Variants in SHPRH observed in about 807,000 individuals in gnomAD.
The protein encoded by SHPRH is E3 ubiquitin-protein ligase SHPRH.
SHPRH carries 106 observed loss-of-function variants against 202.5 expected under a neutral mutation model. The observed-to-expected ratio is 0.52, with a 90% CI of 0.45 to 0.62. The LOEUF (loss-of-function observed/expected upper bound fraction) is 0.62, where lower values mean the gene tolerates loss of function less well. SHPRH is among the 20% of genes least tolerant of loss of function. The probability of loss-of-function intolerance (pLI) is 0.00; values close to 1 mark genes in which losing one functional copy is unlikely to be tolerated. For synonymous variants in SHPRH, 729 were observed against 686.0 expected (o/e 1.06, Z -0.98); for missense variants, 1,710 against 2,020.0 (o/e 0.85, Z 2.94).
intron 6 of SHPRH, among the ~76,000 whole-genome samples, chr6:145,947,248 A>G (rs1787485059): frequency 6.6e-6 from 1 of 152,054 alleles, no homozygotes; most frequent in African/African-American, 2.4e-5. Context: ...GCCAACTAGA[A>G]GAAAGTTCAG....
chr6:145,865,240 T>C (rs956089167), intron 2 of SHPRH, among the ~76,000 whole-genome samples: 5 of 152,146 alleles, frequency 3.3e-5, no homozygotes, highest in African/African-American at 4.8e-5. Context: ...ATGGGGCCTT[T>C]GGGAGATATT....
chr6:145,947,369 T>C (rs1299089082), intron 6 of SHPRH, 124 bp downstream of exon 6: 2 of 1,109,460 alleles, frequency 1.8e-6, no homozygotes, highest in South Asian at 2.0e-5. Context: ...TAACCACTAA[T>C]ATAAATCATT....
At chr6:145,905,340 T>TG (rs1782865380) in intron 25 of SHPRH, 2 of 152,100 alleles carry the variant, frequency 1.3e-5, no homozygotes, top group African/African-American at 4.8e-5. Flanking sequence ...AGCTCCTAAG[T>TG]GCAGGCAGGA....
chr6:145,942,505 T>C (rs1786900600), intron 9 of SHPRH, among the ~76,000 whole-genome samples: 1 of 152,156 alleles, frequency 6.6e-6, no homozygotes, highest in Non-Finnish European at 1.5e-5. Flanking sequence ...TCTCCATGCC[T>C]ATGTAAAGTG....
At chr6:145,904,964 C>T (rs551799746) in intron 25 of SHPRH, 1 of 152,162 alleles carries the variant, frequency 6.6e-6, no homozygotes, top group East Asian at 1.9e-4. Context: ...AATCTCTATC[C>T]TGGGTGTCTA....
At chr6:145,862,483 A>G (rs1421607739), downstream of SHPRH, among the ~76,000 whole-genome samples, 1 of 152,184 alleles carries the variant, frequency 6.6e-6, no homozygotes, top group East Asian at 1.9e-4. Context: ...AGAAAAAACA[A>G]AACAACAAAA....
At chr6:145,864,013 T>G (rs1205403004), downstream of SHPRH, among the ~76,000 whole-genome samples, 1 of 152,266 alleles carries the variant, frequency 6.6e-6, no homozygotes, top group Admixed American at 6.5e-5. Flanking sequence ...CATGTGAGTG[T>G]CTGGCTTGTG....
intron 25 of SHPRH, chr6:145,906,611 G>A (rs1462395468): frequency 6.6e-6 from 1 of 151,952 alleles, no homozygotes; most frequent in Non-Finnish European, 1.5e-5. Context: ...GACTAAACAT[G>A]CTCAAGAATC....
In SHPRH at chr6:145,865,202, C is replaced by T. The variant is rs181832353; in HGVS notation, c.222-711G>A. Among the ~76,000 whole-genome samples, 11 of 152,242 alleles carry T rather than the reference C, an allele frequency of 7.2e-5. No homozygotes were observed. The East Asian group carries it at 2.1e-3, about 29-fold the overall frequency. ...CCATGCAAATTCAACTATTGAAGTC[C>T]TAACCCCTAATGTTATGACGTTTAG... On this transcript the variant is annotated intron_variant, in intron 2 of 2. Transcript: ENST00000417762.
At chr6:145,882,564 A>G (rs1780657882), downstream of SHPRH, among the ~76,000 whole-genome samples, 1 of 152,230 alleles carries the variant, frequency 6.6e-6, no homozygotes, top group Non-Finnish European at 1.5e-5. Flanking sequence ...ATTTGCATTT[A>G]CCAAAGAAGA....
rs776420224 is a variant in SHPRH, at chr6:145,945,454, T to C, written c.1505A>G (p.His502Arg). The C allele has an allele frequency of 1.9e-6, 3 of 1,613,158 alleles. No homozygotes were observed. Among genetic ancestry groups the C allele is most frequent in the South Asian group, 1.1e-5 (1 of 91,072 alleles). ...CAATGTAAAAGTCCCAGAAAAACCA[T>C]GGCCTTTGATCTGTTTCACGAGACC... Reference protein sequence around the residue: ...FEGLVKQIKGHGFSGTFTLGK... With the variant: ...FEGLVKQIKGRGFSGTFTLGK... Residue 502 changes from histidine to arginine, a missense_variant, in exon 8 of 30, where the codon CAT becomes CGT. By Grantham distance (29) the His-to-Arg change is conservative. Transcript: ENST00000275233.
chr6:145,947,820 CA>C (rs891925478), intron 5 of SHPRH, among the ~76,000 whole-genome samples, 177 bp from the exon 6 acceptor site: 2 of 151,612 alleles, frequency 1.3e-5, no homozygotes, highest in African/African-American at 4.8e-5. Flanking sequence ...CTGTGATAAC[CA>C]AAAAAACTGC....
intron 11 of SHPRH, among the ~76,000 whole-genome samples, chr6:145,938,321 C>T (rs954934628): frequency 2.6e-5 from 4 of 152,130 alleles, no homozygotes; most frequent in Non-Finnish European, 1.5e-5. Flanking sequence ...AGATGATCCT[C>T]GCCAGTTGCC....
Position 145,942,192 on chromosome 6 carries a change from A to G in SHPRH, c.2239-318T>C, listed in dbSNP as rs1052394602. 3.7e-4 allele frequency among the ~76,000 whole-genome samples: 56 copies of G among 152,228 alleles called. 1 individual carries two copies. The highest frequency in any genetic ancestry group is 1.5e-5 in the Non-Finnish European group (1 of 68,046). On this transcript the variant is annotated intron_variant, in intron 9 of 29. Transcript: ENST00000275233. Reference sequence around the variant, plus strand: ...AAAGGTTCTCATAGGTGGCAAAAAGAGAAAAGGGCTATATGTAGGTAGGAG... The same window carrying G: ...AAAGGTTCTCATAGGTGGCAAAAAGGGAAAAGGGCTATATGTAGGTAGGAG...
intron 11 of SHPRH, among the ~76,000 whole-genome samples, chr6:145,936,980 T>TC (rs200578754): frequency 0.063 from 1,405 of 22,216 alleles, 77 homozygotes; most frequent in African/African-American, 0.3. Context: ...TGCTTCATCT[T>TC]TTTTTTTTTT....
At chr6:145,873,331 G>C (rs1316655196) in intron 2 of SHPRH, among the ~76,000 whole-genome samples, 2 of 152,032 alleles carry the variant, frequency 1.3e-5, no homozygotes, top group African/African-American at 4.8e-5. Context: ...AGAAGAAAAA[G>C]GTACTAGGAT....
At chr6:145,905,895 T>G (rs1347335592) in intron 25 of SHPRH, 1 of 152,012 alleles carries the variant, frequency 6.6e-6, no homozygotes, top group Non-Finnish European at 1.5e-5. Context: ...CCCTCTAATT[T>G]TTCTCCTTTC....
chr6:145,951,178 A>C (rs1787935799), intron 3 of SHPRH, among the ~76,000 whole-genome samples: 1 of 152,138 alleles, frequency 6.6e-6, no homozygotes, highest in Non-Finnish European at 1.5e-5. Context: ...ATTTATACTT[A>C]CTATAACATG....
At chr6:145,866,442 A>C (rs965674087) in intron 2 of SHPRH, among the ~76,000 whole-genome samples, 3 of 152,214 alleles carry the variant, frequency 2.0e-5, no homozygotes, top group Non-Finnish European at 2.9e-5. Context: ...GATTGAAATG[A>C]TCATTAAGGG....
Sources: gnomAD v4.1 joint callset for allele counts (sites outside exome capture counted in the v4.1 genomes callset) on GRCh38, gnomAD v4.1.1 for gene constraint, MANE v1.5 for transcripts, NCBI Gene and HGNC (gene_info 2026-07-23, HGNC 2026-07-21) for gene names.